SIPA1L2: variants seen among roughly 807,000 people sequenced by gnomAD.
SIPA1L2 encodes signal induced proliferation associated 1 like 2.
Under a neutral mutation model 163.9 loss-of-function variants are expected in SIPA1L2, and 56 were observed. The ratio of observed to expected loss-of-function variants is 0.34; its 90% CI spans 0.28 to 0.43. The LOEUF is 0.43. SIPA1L2 is among the 20% of genes least tolerant of loss of function. SIPA1L2 has a pLI of 1.00. For missense variants in SIPA1L2, 1,974 were observed against 2,193.5 expected, an observed-to-expected ratio of 0.90 and a Z score of 2.00; for synonymous variants, 877 against 865.7, an observed-to-expected ratio of 1.01 and a Z score of -0.23.
Position 232,399,208 on chromosome 1 carries a change from C to A in SIPA1L2, c.5088G>T (p.Leu1696=), listed in dbSNP as rs1446018589. The A allele has an allele frequency of 6.2e-7, 1 of 1,613,860 alleles. No individual in the cohort carries two copies. Among genetic ancestry groups the A allele is most frequent in the Non-Finnish European group, 8.5e-7 (1 of 1,180,000 alleles). Residue 1696 remains leucine (L), a synonymous_variant, in exon 23 of 23, where the codon CTG becomes CTT. Transcript: ENST00000674635. The part of the protein sequence containing the change: ...VQHLRQDNMR[L]QEESQTATAQ... ...CTGTCGCGGTCTGGGACTCCTCCTG[C>A]AGTCTCATGTTGTCCTGTCTCAGGT...
intron 9 of SIPA1L2, among the ~76,000 whole-genome samples, chr1:232,463,906 C>A (rs1285261311): frequency 6.6e-6 from 1 of 152,180 alleles, no homozygotes; most frequent in Non-Finnish European, 1.5e-5. Context: ...CTAGCAGACA[C>A]TGCCCTGATT....
intron 1 of SIPA1L2, among the ~76,000 whole-genome samples, chr1:232,627,249 T>TA (rs1663126819): frequency 6.6e-6 from 1 of 152,194 alleles, no homozygotes; most frequent in South Asian, 2.1e-4. Flanking sequence ...TGTATCCACA[T>TA]AAACACATAG....
At chr1:232,417,971 G>A (rs952279754) in intron 18 of SIPA1L2, among the ~76,000 whole-genome samples, 2 of 152,138 alleles carry the variant, frequency 1.3e-5, no homozygotes, top group African/African-American at 2.4e-5. Context: ...ATCAGGGAGC[G>A]GAATGGAATT....
At chr1:232,510,421 C>A (rs1666929310) in intron 3 of SIPA1L2, among the ~76,000 whole-genome samples, 1 of 152,232 alleles carries the variant, frequency 6.6e-6, no homozygotes, top group African/African-American at 2.4e-5. Context: ...AGCTCAGAAC[C>A]AGAGAGTGTG....
At chr1:232,612,208 T>C (rs1193247987) in intron 1 of SIPA1L2, among the ~76,000 whole-genome samples, 2 of 152,222 alleles carry the variant, frequency 1.3e-5, no homozygotes, top group Non-Finnish European at 2.9e-5. Context: ...AGGCAGAAGT[T>C]TGCTGTAGGG....
At position 232,425,630 on chromosome 1, in the gene SIPA1L2, G is replaced by C; in HGVS notation, c.4589C>G (p.Pro1530Arg). The change falls in exon 18 of 23, where the codon CCT (proline) becomes CGT (arginine). Residue 1530 changes from proline to arginine, a missense_variant. By Grantham distance (103) the Pro-to-Arg change is moderately radical (BLOSUM62 -2). Around this residue, in one of 3 missense-constraint regions of SIPA1L2, gnomAD observed 1,079 missense variants for 1,150.7 expected, o/e 0.94. Transcript: ENST00000674635. ...STTPPYHSTL[P>R]PRAHPAPSMG... is the part of the protein sequence containing the mutation. ...GCTGGGTGCGGGGTGGGCCCGCGGA[G>C]GCAGCGTGCTGTGGTAGGGTGGGGT... 2 of 1,610,890 alleles carry C rather than the reference G, an allele frequency of 1.2e-6. No individual in the cohort carries two copies. The highest frequency in any genetic ancestry group is 1.7e-6 in the Non-Finnish European group (2 of 1,178,780).
intron 10 of SIPA1L2, among the ~76,000 whole-genome samples, chr1:232,453,548 A>G (rs1663711992): frequency 6.6e-6 from 1 of 152,226 alleles, no homozygotes; most frequent in South Asian, 2.1e-4. Context: ...CCACCACCTT[A>G]GCATGTGTAG....
chr1:232,462,075 T>C (rs1170300591), intron 9 of SIPA1L2: 6 of 814,612 alleles, frequency 7.4e-6, no homozygotes, highest in Non-Finnish European at 1.0e-5. Flanking sequence ...TGTACCTTAC[T>C]CAAGAGTGAG....
chr1:232,403,388 G>A, intron 21 of SIPA1L2, 60 bp downstream of exon 21: 13 of 1,580,214 alleles, frequency 8.2e-6, no homozygotes, highest in Middle Eastern at 1.7e-4. Context: ...TCGGTTAGCC[G>A]AATCTTGGCT....
chr1:232,614,921 A>C (rs1662424998), intron 1 of SIPA1L2, among the ~76,000 whole-genome samples: 1 of 152,200 alleles, frequency 6.6e-6, no homozygotes, highest in African/African-American at 2.4e-5. Context: ...TGAACACTCC[A>C]ATCTCTAGGA....
intron 4 of SIPA1L2, among the ~76,000 whole-genome samples, chr1:232,493,125 C>T (rs892640424): frequency 1.1e-4 from 17 of 152,152 alleles, no homozygotes; most frequent in Non-Finnish European, 2.5e-4. Flanking sequence ...GCCCTTCCCC[C>T]TTTACTCTCT....
At chr1:232,430,528 ACTGTTTTCT>A (rs1418703018) in intron 16 of SIPA1L2, among the ~76,000 whole-genome samples, 1 of 152,194 alleles carries the variant, frequency 6.6e-6, no homozygotes, top group Non-Finnish European at 1.5e-5. Context: ...TACTTGGCTG[ACTGTTTTCT>A]AAGCATATCT....
chr1:232,523,344 A>C (rs1380397783), intron 2 of SIPA1L2, among the ~76,000 whole-genome samples: 1 of 152,220 alleles, frequency 6.6e-6, no homozygotes, highest in Non-Finnish European at 1.5e-5. Flanking sequence ...AGATAAAAAG[A>C]GATAGCCCTC....
intron 3 of SIPA1L2, among the ~76,000 whole-genome samples, chr1:232,510,172 A>C (rs1227792423): frequency 6.6e-6 from 1 of 152,168 alleles, no homozygotes; most frequent in East Asian, 1.9e-4. Flanking sequence ...GTGCAGATGA[A>C]TAAGGGGAAA....
At chr1:232,541,665 G>A (rs779164561) in intron 2 of SIPA1L2, among the ~76,000 whole-genome samples, 6 of 152,060 alleles carry the variant, frequency 3.9e-5, no homozygotes, top group South Asian at 2.1e-4. Flanking sequence ...AACTTTATCC[G>A]CTCATTTGAT....
intron 8 of SIPA1L2, among the ~76,000 whole-genome samples, chr1:232,468,059 A>G (rs1664614596): frequency 1.3e-5 from 2 of 152,210 alleles, no homozygotes; most frequent in South Asian, 4.1e-4. Context: ...AAGCATGGCT[A>G]TTCCATGATT....
intron 2 of SIPA1L2, among the ~76,000 whole-genome samples, chr1:232,553,628 T>C (rs1257537968): frequency 6.6e-6 from 1 of 152,146 alleles, no homozygotes; most frequent in African/African-American, 2.4e-5. Flanking sequence ...AGGATTTAGA[T>C]AGAGGAGTTA....
chr1:232,539,521 C>T (rs1175492225), intron 2 of SIPA1L2, among the ~76,000 whole-genome samples: 5 of 152,190 alleles, frequency 3.3e-5, no homozygotes, highest in African/African-American at 7.2e-5. Flanking sequence ...TGCACTCCCC[C>T]GAGTAGATCT....
chr1:232,611,864 C>T (rs1050518033), intron 1 of SIPA1L2, among the ~76,000 whole-genome samples: 1 of 152,190 alleles, frequency 6.6e-6, no homozygotes, highest in Non-Finnish European at 1.5e-5. Flanking sequence ...ATCCCCAAGA[C>T]AATGGGGAAA....
Sources: allele counts gnomAD v4.1 joint callset (sites outside exome capture counted in the v4.1 genomes callset), GRCh38; gene constraint gnomAD v4.1.1; regional missense constraint gnomAD v4.1.1; transcripts MANE v1.5; gene names NCBI Gene and HGNC (gene_info 2026-07-23, HGNC 2026-07-21).